Variants in CABIN1 observed in about 807,000 individuals in gnomAD.
CABIN1 encodes the protein calcineurin binding protein 1.
A neutral mutation model predicts 227.7 loss-of-function variants in CABIN1; 133 were observed. The ratio of observed to expected loss-of-function variants is 0.58; its 90% confidence interval spans 0.51 to 0.67. The LOEUF is 0.67. Ranked by LOEUF, CABIN1 falls within the 30% of genes least tolerant of loss-of-function variation. The pLI, the probability that CABIN1 is intolerant of heterozygous loss-of-function variation, is 0.00. For missense variants in CABIN1, 2,408 were observed against 2,852.5 expected (o/e 0.84, Z 3.55); for synonymous variants, 1,086 against 1,155.1 (o/e 0.94, Z 1.21).
chr22:24,013,794 T>A (rs1201045342), intron 1 of CABIN1, among the ~76,000 whole-genome samples: 1 of 152,248 alleles, frequency 6.6e-6, no homozygotes, highest in African/African-American at 2.4e-5. Flanking sequence ...TTTTCTTGTT[T>A]TCCTTGGCTT....
chr22:24,028,222 CACTT>C (rs1569087142), intron 1 of CABIN1, among the ~76,000 whole-genome samples: 1 of 152,178 alleles, frequency 6.6e-6, no homozygotes, highest in Non-Finnish European at 1.5e-5. Context: ...GGAAAAATGA[CACTT>C]ACCAACTTTC....
At chr22:24,087,358 C>T in intron 22 of CABIN1, 94 bp from the exon 23 acceptor site, 1 of 1,531,388 alleles carries the variant, frequency 6.5e-7, no homozygotes, top group African/African-American at 1.4e-5. Flanking sequence ...AGGGAGTTTC[C>T]ATGGGGTCCA....
chr22:24,047,294 G>A (rs1466554001), intron 6 of CABIN1, among the ~76,000 whole-genome samples: 2 of 152,200 alleles, frequency 1.3e-5, no homozygotes, highest in Admixed American at 1.3e-4. Context: ...TGAGTAGGGA[G>A]GGATGCTGCT....
chr22:24,049,330 T>A, intron 7 of CABIN1, 110 bp downstream of exon 7: 5 of 1,334,258 alleles, frequency 3.7e-6, no homozygotes, highest in Non-Finnish European at 5.3e-6. Flanking sequence ...GCCCCTGTGC[T>A]CTGGGGCTTC....
At chr22:24,103,559 G>A (rs1399362096) in intron 26 of CABIN1, among the ~76,000 whole-genome samples, 1 of 152,106 alleles carries the variant, frequency 6.6e-6, no homozygotes, top group Non-Finnish European at 1.5e-5. Flanking sequence ...AGGGCTAAGG[G>A]GAGGTCAGTT....
At chr22:24,169,506 G>A (rs935652067) in intron 33 of CABIN1, among the ~76,000 whole-genome samples, 7 of 152,142 alleles carry the variant, frequency 4.6e-5, no homozygotes, top group African/African-American at 1.4e-4. Flanking sequence ...TGGGCCAGAC[G>A]AGGCATGCTG....
chr22:24,103,484 T>C (rs2042333471), intron 26 of CABIN1: 1 of 152,226 alleles, frequency 6.6e-6, no homozygotes, highest in East Asian at 1.9e-4. Context: ...GACGGGGAGC[T>C]GTGAATGCCA....
chr22:24,040,976 C>G (rs1255012033), intron 4 of CABIN1, among the ~76,000 whole-genome samples, 163 bp from the exon 5 acceptor site: 3 of 152,146 alleles, frequency 2.0e-5, no homozygotes, highest in African/African-American at 7.2e-5. Context: ...TAGGAGTGGT[C>G]TTATAAGAAC....
intron 6 of CABIN1, among the ~76,000 whole-genome samples, chr22:24,044,265 G>C (rs1371794272): frequency 3.9e-5 from 6 of 152,272 alleles, no homozygotes; most frequent in Middle Eastern, 3.4e-3. Context: ...CATCTTTGAG[G>C]GTTCTTCTTC....
intron 1 of CABIN1, among the ~76,000 whole-genome samples, chr22:24,019,799 A>G (rs1291031018): frequency 1.3e-5 from 2 of 151,632 alleles, no homozygotes; most frequent in Non-Finnish European, 2.9e-5. Flanking sequence ...CTGGGATCAC[A>G]GGCATGCGCC....
At chr22:24,056,042 TTTG>T in intron 9 of CABIN1, 147 bp from the exon 10 acceptor site, 2 of 699,112 alleles carry the variant, frequency 2.9e-6, no homozygotes, top group Non-Finnish European at 2.5e-6. Context: ...CTCAGGATTC[TTTG>T]TTGTTGAAGA....
chr22:24,111,345 C>T (rs551056255), intron 26 of CABIN1, among the ~76,000 whole-genome samples: 72 of 152,294 alleles, frequency 4.7e-4, no homozygotes, highest in African/African-American at 1.6e-3. Flanking sequence ...AACTGGGCTG[C>T]ACAGCAGGAG....
intron 28 of CABIN1, among the ~76,000 whole-genome samples, chr22:24,126,234 G>A (rs987102242): frequency 3.9e-5 from 6 of 152,180 alleles, no homozygotes; most frequent in African/African-American, 1.4e-4. Context: ...ATAGCATTGT[G>A]TACTCACTGG....
chr22:24,088,394 G>A (rs2041314915), intron 23 of CABIN1, among the ~76,000 whole-genome samples: 1 of 152,144 alleles, frequency 6.6e-6, no homozygotes, highest in South Asian at 2.1e-4. Context: ...CGGATCACGA[G>A]GTCAGGAGTA....
intron 29 of CABIN1, among the ~76,000 whole-genome samples, chr22:24,139,280 A>C (rs1238936966): frequency 1.3e-5 from 2 of 152,168 alleles, no homozygotes; most frequent in Non-Finnish European, 2.9e-5. Context: ...GGCTTTTTAA[A>C]AAGTGCGTGT....
intron 34 of CABIN1, among the ~76,000 whole-genome samples, chr22:24,174,752 C>T (rs2047012110): frequency 6.6e-6 from 1 of 152,126 alleles, no homozygotes; most frequent in Non-Finnish European, 1.5e-5. Context: ...CTCCTGTGGG[C>T]CTTTCTATAA....
intron 29 of CABIN1, among the ~76,000 whole-genome samples, chr22:24,163,285 G>C (rs1158866255): frequency 1.3e-5 from 2 of 152,184 alleles, no homozygotes; most frequent in Non-Finnish European, 1.5e-5. Context: ...TAACAGCTCA[G>C]GGCTGGAGGT....
At chr22:24,053,055 C>CT (rs1412092654) in intron 8 of CABIN1, among the ~76,000 whole-genome samples, 1 of 149,650 alleles carries the variant, frequency 6.7e-6, no homozygotes, top group Non-Finnish European at 1.5e-5. Context: ...AAGCACTGTC[C>CT]TTTTTTTTCT....
rs1416176475 is a variant in CABIN1, at chr22:24,167,179, C to T, written c.5548C>T (p.Leu1850=). 1.2e-6 allele frequency: 2 copies of T among 1,610,718 alleles called. No homozygotes were observed. Among genetic ancestry groups the T allele is most frequent in the African/African-American group, 2.7e-5 (2 of 74,956 alleles). ...LSRLSRKRKL[L]EDTESGKTLL... Reference sequence around the variant, plus strand: ...CCGGCTCAGCCGCAAGAGGAAGCTCCTGGAGGACACAGAGTCAGGCAAGAC... The same window carrying T: ...CCGGCTCAGCCGCAAGAGGAAGCTCTTGGAGGACACAGAGTCAGGCAAGAC... Residue 1850 remains leucine (L), a synonymous_variant, in exon 32 of 37, where the codon CTG becomes TTG. Coordinates refer to ENST00000263119, the MANE Select transcript of CABIN1 (RefSeq NM_012295.4).
Sources: allele counts gnomAD v4.1 joint callset (sites outside exome capture counted in the v4.1 genomes callset), GRCh38; gene constraint gnomAD v4.1.1; transcripts MANE v1.5; gene names NCBI Gene and HGNC (gene_info 2026-07-23, HGNC 2026-07-21).